CADM2: variants seen among roughly 807,000 people sequenced by gnomAD.
The protein encoded by CADM2 is immunoglobulin superfamily member 4D.
Under a neutral mutation model 49.8 loss-of-function variants are expected in CADM2, and 12 were observed. The observed-to-expected ratio is 0.24, with a 90% CI of 0.15 to 0.39. The LOEUF is 0.39. CADM2 is among the 10% of genes least tolerant of loss of function. The pLI is 1.00. For missense variants in CADM2, 378 were observed against 492.3 expected, an observed-to-expected ratio of 0.77 and a Z score of 2.20; for synonymous variants, 214 against 175.4, an observed-to-expected ratio of 1.22 and a Z score of -1.74.
At chr3:85,277,338 TC>T (rs1420273852) in intron 1 of CADM2, among the ~76,000 whole-genome samples, 2 of 151,296 alleles carry the variant, frequency 1.3e-5, no homozygotes, top group Non-Finnish European at 3.0e-5. Flanking sequence ...CTATCAATCT[TC>T]CTCTCCCTAA....
intron 1 of CADM2, among the ~76,000 whole-genome samples, chr3:85,092,351 G>A (rs1363204050): frequency 6.6e-6 from 1 of 152,132 alleles, no homozygotes; most frequent in Non-Finnish European, 1.5e-5. Context: ...CACTGGAAAT[G>A]TATACATAAA....
chr3:85,880,563 C>A (rs1712601723), intron 3 of CADM2, among the ~76,000 whole-genome samples: 1 of 152,122 alleles, frequency 6.6e-6, no homozygotes, highest in African/African-American at 2.4e-5. Flanking sequence ...GATAGTTTTA[C>A]TGGTTAAGAA....
intron 1 of CADM2, among the ~76,000 whole-genome samples, chr3:85,198,182 A>G (rs2107738824): frequency 6.6e-6 from 1 of 152,036 alleles, no homozygotes. Flanking sequence ...ATAATTTTAT[A>G]ATTAGCATTC....
intron 1 of CADM2, among the ~76,000 whole-genome samples, chr3:85,077,581 A>G (rs922216585): frequency 4.6e-5 from 7 of 152,094 alleles, no homozygotes; most frequent in South Asian, 4.1e-4. Context: ...TTTAATAAGT[A>G]TATATTAAAT....
chr3:85,017,466 C>T (rs1423889680), intron 1 of CADM2, among the ~76,000 whole-genome samples: 1 of 152,178 alleles, frequency 6.6e-6, no homozygotes, highest in Non-Finnish European at 1.5e-5. Context: ...TTCTCTCTCA[C>T]TTTTATCGTC....
chr3:85,190,351 C>T (rs903301829), intron 1 of CADM2, among the ~76,000 whole-genome samples: 1 of 152,008 alleles, frequency 6.6e-6, no homozygotes, highest in African/African-American at 2.4e-5. Context: ...TTTTGGTCTT[C>T]TCTTCATCAC....
At chr3:85,880,706 C>A (rs1028534642) in intron 3 of CADM2, among the ~76,000 whole-genome samples, 3 of 152,124 alleles carry the variant, frequency 2.0e-5, no homozygotes, top group Non-Finnish European at 2.9e-5. Context: ...CTCTTGGGAT[C>A]CTTTCAAGAA....
chr3:85,030,828 C>G (rs1272415107), intron 1 of CADM2, among the ~76,000 whole-genome samples: 1 of 152,176 alleles, frequency 6.6e-6, no homozygotes, highest in Non-Finnish European at 1.5e-5. Context: ...CCCTGAGAAA[C>G]TCCTACCCTA....
intron 1 of CADM2, among the ~76,000 whole-genome samples, chr3:84,994,105 T>C (rs1031501959): frequency 2.0e-4 from 30 of 152,120 alleles, no homozygotes; most frequent in Non-Finnish European, 3.4e-4. Flanking sequence ...CTCAGATAAT[T>C]CAAATGGCTT....
chr3:85,031,025 C>T (rs1017137662), intron 1 of CADM2, among the ~76,000 whole-genome samples: 2 of 152,114 alleles, frequency 1.3e-5, no homozygotes, highest in African/African-American at 4.8e-5. Flanking sequence ...CCTTTACCAC[C>T]TGGCAGTGTG....
intron 1 of CADM2, among the ~76,000 whole-genome samples, chr3:85,324,548 T>C (rs906022421): frequency 1.3e-5 from 2 of 152,278 alleles, no homozygotes; most frequent in South Asian, 2.1e-4. Context: ...AACCACACTT[T>C]CATTAAAAAT....
intron 1 of CADM2, among the ~76,000 whole-genome samples, chr3:85,333,997 A>T (rs1435099761): frequency 6.6e-6 from 1 of 151,752 alleles, no homozygotes; most frequent in Non-Finnish European, 1.5e-5. Context: ...CTAAGCAATA[A>T]AATTTGACCT....
intron 1 of CADM2, among the ~76,000 whole-genome samples, chr3:84,986,878 C>T (rs76214943): frequency 0.049 from 7,461 of 151,476 alleles, 221 homozygotes; most frequent in East Asian, 0.1. Context: ...ATGGAGAAAC[C>T]CCGTCTCTAC....
intron 7 of CADM2, among the ~76,000 whole-genome samples, chr3:85,959,000 C>T (rs1577780932): frequency 6.6e-6 from 1 of 151,564 alleles, no homozygotes. Flanking sequence ...ATGTTCTACA[C>T]ATGTTTCGTG....
intron 1 of CADM2, among the ~76,000 whole-genome samples, chr3:85,493,577 T>C (rs982854608): frequency 3.3e-5 from 5 of 152,196 alleles, no homozygotes; most frequent in African/African-American, 1.2e-4. Context: ...ATACAAGATT[T>C]TAATTATACT....
intron 1 of CADM2, among the ~76,000 whole-genome samples, chr3:85,131,978 T>A (rs2039243962): frequency 1.3e-5 from 2 of 151,992 alleles, no homozygotes; most frequent in Non-Finnish European, 2.9e-5. Context: ...CAGAACAAAG[T>A]TTGAAGATGA....
intron 1 of CADM2, among the ~76,000 whole-genome samples, chr3:84,976,677 A>G (rs1396121173): frequency 1.3e-5 from 2 of 151,840 alleles, no homozygotes; most frequent in African/African-American, 4.8e-5. Context: ...ACATTTTTAT[A>G]ATATCCTTTG....
chr3:85,268,873 T>C (rs1054564576), intron 1 of CADM2, among the ~76,000 whole-genome samples: 1 of 151,372 alleles, frequency 6.6e-6, no homozygotes, highest in African/African-American at 2.4e-5. Flanking sequence ...TACTCTATAA[T>C]GCTCTCAGTT....
intron 1 of CADM2, among the ~76,000 whole-genome samples, chr3:85,661,849 T>C (rs1045738542): frequency 6.6e-6 from 1 of 152,048 alleles, no homozygotes; most frequent in Non-Finnish European, 1.5e-5. Flanking sequence ...TATTAGTCAA[T>C]AACAATTTTA....
Sources: allele counts gnomAD v4.1 joint callset (sites outside exome capture counted in the v4.1 genomes callset), GRCh38; gene constraint gnomAD v4.1.1; transcripts MANE v1.5; gene names NCBI Gene and HGNC (gene_info 2026-07-23, HGNC 2026-07-21).